N4BP1: variants seen among roughly 807,000 people sequenced by gnomAD.
N4BP1 encodes NEDD4 binding protein 1.
In N4BP1, 21 loss-of-function variants were observed where a neutral mutation model predicts 70.9. That is an observed-to-expected ratio of 0.30 (90% CI 0.21 to 0.43). N4BP1 has a LOEUF of 0.43. Ranked by LOEUF, N4BP1 falls within the 20% of genes least tolerant of loss-of-function variation. The pLI is 1.00. For missense variants in N4BP1, 936 were observed against 1,069.4 expected (o/e 0.88, Z 1.74); for synonymous variants, 387 against 394.6 (o/e 0.98, Z 0.23).
Position 48,562,344 on chromosome 16 carries a change from T to C in N4BP1, c.299A>G (p.Lys100Arg). The C allele has an allele frequency of 6.2e-7, 1 of 1,613,856 alleles. No homozygotes were observed. Among genetic ancestry groups the C allele is most frequent in the East Asian group, 2.2e-5 (1 of 44,874 alleles). Residue 100 changes from lysine to arginine, a missense_variant, in exon 2 of 7, where the codon AAA (lysine) becomes AGA (arginine). Physicochemically the swap from Lys to Arg is conservative, Grantham distance 26. Coordinates refer to ENST00000262384, the MANE Select transcript of N4BP1 (RefSeq NM_153029.4). ...IFVGAESLFL[K>R]SLIQDTCADL... is the part of the protein sequence containing the mutation. ...AGCACAAGTATCCTGAATCAAGCTTTTCAGAAACAGGCTCTCTGCCCCAAC... is the reference window on the plus strand; with the variant it reads ...AGCACAAGTATCCTGAATCAAGCTTCTCAGAAACAGGCTCTCTGCCCCAAC...
At chr16:48,549,060 A>G (rs1162812158) in intron 4 of N4BP1, among the ~76,000 whole-genome samples, 1 of 152,150 alleles carries the variant, frequency 6.6e-6, no homozygotes, top group Non-Finnish European at 1.5e-5. Flanking sequence ...ATCTGTGAGG[A>G]TGTGAATTTT....
At chr16:48,543,747 C>T (rs956493304) in intron 6 of N4BP1, among the ~76,000 whole-genome samples, 5 of 152,024 alleles carry the variant, frequency 3.3e-5, no homozygotes, top group South Asian at 2.1e-4. Context: ...TGGGTATGTG[C>T]GAGTATGTGT....
Position 48,543,283 on chromosome 16 carries a change from G to A in N4BP1, c.2334-22C>T, listed in dbSNP as rs1963535668. 3 of 1,481,678 alleles carry A rather than the reference G, an allele frequency of 2.0e-6. No homozygotes were observed. In the East Asian group the frequency reaches 6.9e-5, roughly 34 times the overall value. The allele number at this position is 1,481,678 out of a possible 1,614,324, so 91.8% of individuals were successfully genotyped here. ...ATCTCTGTGAATGGAAGTGAGTCCT[G>A]GTGAGTTGGGTTATAAGTAAACAAA... On this transcript the variant is annotated intron_variant, in intron 6 of 6. Transcript: ENST00000262384.
intron 1 of N4BP1, among the ~76,000 whole-genome samples, chr16:48,574,427 T>G (rs1964064224): frequency 6.6e-6 from 1 of 152,204 alleles, no homozygotes; most frequent in Non-Finnish European, 1.5e-5. Flanking sequence ...CCCTGTTACT[T>G]TTCTGGATTA....
chr16:48,597,857 C>A (rs747973026), intron 1 of N4BP1, among the ~76,000 whole-genome samples: 1 of 152,148 alleles, frequency 6.6e-6, no homozygotes, highest in Non-Finnish European at 1.5e-5. Context: ...AAACCTATGA[C>A]GGCTGCATGC....
chr16:48,545,778 C>T (rs889646540), intron 6 of N4BP1, among the ~76,000 whole-genome samples: 1 of 151,938 alleles, frequency 6.6e-6, no homozygotes, highest in Admixed American at 6.6e-5. Context: ...ATAATCCCAA[C>T]ACTTTGGGAG....
intron 1 of N4BP1, among the ~76,000 whole-genome samples, chr16:48,598,456 A>C (rs191737582): frequency 2.4e-4 from 37 of 152,304 alleles, no homozygotes; most frequent in Admixed American, 1.6e-3. Context: ...GGGGTGATAC[A>C]AAAAAGGAAA....
chr16:48,544,033 C>T (rs542152062), intron 6 of N4BP1, among the ~76,000 whole-genome samples: 1 of 152,178 alleles, frequency 6.6e-6, no homozygotes, highest in Admixed American at 6.5e-5. Context: ...AACTCTGACC[C>T]GCGGACCTGA....
Position 48,569,415 on chromosome 16 carries a change from AG to A in N4BP1, c.199-6972del, listed in dbSNP as rs199890339. The stretch of plus-strand genomic sequence containing the variant: ...ATTATTTAATTTTTATTTTTGAGAC[AG>A]GGTCTTGCTCTTGTCACCTAGGCTG... On this transcript the variant is annotated intron_variant, in intron 1 of 6. Coordinates refer to ENST00000262384, the MANE Select transcript of N4BP1 (RefSeq NM_153029.4). Among the ~76,000 whole-genome samples, 1,103 of 152,280 alleles carry A rather than the reference AG, an allele frequency of 7.2e-3. 13 individuals carry two copies. Among genetic ancestry groups the A allele is most frequent in the African/African-American group, 0.025 (1,052 of 41,554 alleles).
At chr16:48,583,894 C>T (rs943807264) in intron 1 of N4BP1, among the ~76,000 whole-genome samples, 1 of 152,210 alleles carries the variant, frequency 6.6e-6, no homozygotes, top group Non-Finnish European at 1.5e-5. Context: ...ACTTCATCAG[C>T]TCCTTAAACC....
intron 1 of N4BP1, among the ~76,000 whole-genome samples, chr16:48,575,189 C>T (rs1298120442): frequency 1.3e-5 from 2 of 152,136 alleles, no homozygotes; most frequent in African/African-American, 4.8e-5. Context: ...AAGTATACAG[C>T]ATTATTAAGT....
intron 1 of N4BP1, among the ~76,000 whole-genome samples, chr16:48,587,686 T>G (rs1302888732): frequency 6.6e-6 from 1 of 152,224 alleles, no homozygotes; most frequent in Non-Finnish European, 1.5e-5. Context: ...ACAAACTGAT[T>G]GTGCAACCCA....
intron 1 of N4BP1, among the ~76,000 whole-genome samples, chr16:48,596,348 C>G (rs1321390316): frequency 1.3e-5 from 2 of 152,164 alleles, no homozygotes; most frequent in African/African-American, 4.8e-5. Context: ...AGAATACTAA[C>G]ACCTTTGTCA....
At position 48,542,781 on chromosome 16, in the gene N4BP1, G is replaced by T; in HGVS notation, c.*123C>A. 1.1e-6 allele frequency: 1 copy of T among 892,608 alleles called. No individual in the cohort carries two copies. Among genetic ancestry groups the T allele is most frequent in the Non-Finnish European group, 1.6e-6 (1 of 622,440 alleles). 55.3% of individuals were successfully genotyped at this position (892,608 alleles called of 1,614,324 possible). On this transcript the variant is annotated 3_prime_UTR_variant, in exon 7 of 7. Coordinates refer to ENST00000262384, the MANE Select transcript of N4BP1 (RefSeq NM_153029.4). ...TTTATACCCAAAACATTTTTTTTCTGTACAACTGCGTTTACACTGGGAAAT... is the reference window on the plus strand; with the variant it reads ...TTTATACCCAAAACATTTTTTTTCTTTACAACTGCGTTTACACTGGGAAAT...
Position 48,542,936 on chromosome 16 carries a change from G to C in N4BP1, c.2659C>G (p.Leu887Val), listed in dbSNP as rs748840043. The C allele has an allele frequency of 6.2e-7, 1 of 1,612,330 alleles. No individual in the cohort carries two copies. The highest frequency in any genetic ancestry group is 8.5e-7 in the Non-Finnish European group (1 of 1,178,592). ...ILVAHPYMKD[L>V]NALSAMVLD ...AACACCATGGCAGAAAGCGCATTTAGATCTTTCATGTATGGGTGGGCCACC... is the reference window on the plus strand; with the variant it reads ...AACACCATGGCAGAAAGCGCATTTACATCTTTCATGTATGGGTGGGCCACC... Residue 887 changes from leucine (L) to valine (V), a missense_variant, in exon 7 of 7, where the codon CTA (leucine) becomes GTA (valine). Physicochemically the swap from Leu to Val is conservative, Grantham distance 32. Coordinates refer to ENST00000262384, the MANE Select transcript of N4BP1 (RefSeq NM_153029.4).
chr16:48,592,197 C>G (rs1162184750), intron 1 of N4BP1, among the ~76,000 whole-genome samples: 1 of 152,180 alleles, frequency 6.6e-6, no homozygotes, highest in African/African-American at 2.4e-5. Flanking sequence ...CCACTGCAAT[C>G]TAGCCTGGGT....
intron 1 of N4BP1, among the ~76,000 whole-genome samples, chr16:48,602,797 AAATAAATAAAT>A (rs1315035350): frequency 1.3e-4 from 2 of 15,996 alleles, no homozygotes; most frequent in African/African-American, 2.3e-3. Context: ...TAAAAAATAA[AAATAAATAAAT>A]AAATAAATAA....
intron 6 of N4BP1, among the ~76,000 whole-genome samples, chr16:48,544,785 TTAATA>T (rs1396348339): frequency 2.6e-5 from 4 of 152,074 alleles, no homozygotes; most frequent in Admixed American, 1.3e-4. Context: ...AGTAAGGAAA[TTAATA>T]TAAGCATAAC....
intron 1 of N4BP1, among the ~76,000 whole-genome samples, chr16:48,568,689 C>T (rs1215639443): frequency 6.6e-6 from 1 of 152,134 alleles, no homozygotes; most frequent in African/African-American, 2.4e-5. Context: ...GTTAACATTT[C>T]TTGTCTTTCA....
Sources: gnomAD v4.1 joint callset for allele counts (sites outside exome capture counted in the v4.1 genomes callset) on GRCh38, gnomAD v4.1.1 for gene constraint, MANE v1.5 for transcripts, NCBI Gene and HGNC (gene_info 2026-07-23, HGNC 2026-07-21) for gene names.